Variants in ADGRV1 observed in about 807,000 individuals in gnomAD.
ADGRV1 encodes the protein G-protein coupled receptor 98.
In ADGRV1, 359 loss-of-function variants were observed where a neutral mutation model predicts 596.2. That is an observed-to-expected ratio of 0.60 (90% confidence interval 0.55 to 0.66). ADGRV1 has a LOEUF of 0.66. Among genes scored for constraint, ADGRV1 ranks in the 30% least tolerant of loss-of-function variants. The pLI is 0.00. For synonymous variants in ADGRV1, 2,681 were observed against 2,679.2 expected (o/e 1.00, Z -0.02); for missense variants, 7,274 against 7,575.6 (o/e 0.96, Z 1.48).
intron 1 of ADGRV1, among the ~76,000 whole-genome samples, chr5:90,613,387 G>A (rs1178217280): frequency 3.9e-5 from 6 of 152,040 alleles, no homozygotes; most frequent in African/African-American, 1.4e-4. Context: ...CCTGGCTTTG[G>A]TTTAGCTCAG....
rs937538338 is a variant in ADGRV1, at chr5:90,647,490, T to C, written c.3023-8T>C. On this transcript the variant is annotated splice_region_variant and splice_polypyrimidine_tract_variant and intron_variant, in intron 16 of 89. Coordinates refer to ENST00000405460, the MANE Select transcript of ADGRV1 (RefSeq NM_032119.4). ...AGCTCATGTGTTCTTTCTTTGTGGA[T>C]ATTTCAGAACCTCGTGTAGTGAGGG... 2 of 1,596,518 alleles carry C rather than the reference T, an allele frequency of 1.3e-6. No individual in the cohort carries two copies. Among genetic ancestry groups the C allele is most frequent in the South Asian group, 1.1e-5 (1 of 88,446 alleles).
intron 81 of ADGRV1, among the ~76,000 whole-genome samples, chr5:90,855,010 A>T (rs767922125): frequency 7.9e-5 from 12 of 152,154 alleles, no homozygotes; most frequent in African/African-American, 1.4e-4. Context: ...TTCAATATAT[A>T]ATTAATAATG....
chr5:91,032,633 T>C (rs1306040191), intron 85 of ADGRV1, among the ~76,000 whole-genome samples: 1 of 152,040 alleles, frequency 6.6e-6, no homozygotes, highest in Non-Finnish European at 1.5e-5. Flanking sequence ...TATTCTTTCT[T>C]TGCCTTACTA....
At chr5:91,131,205 A>G (rs1253417987) in intron 87 of ADGRV1, among the ~76,000 whole-genome samples, 48 of 152,256 alleles carry the variant, frequency 3.2e-4, no homozygotes, top group Admixed American at 3.1e-3. Context: ...ACTGCTTTCC[A>G]CAGGGACTGA....
intron 72 of ADGRV1, 104 bp from the exon 73 acceptor site, chr5:90,807,498 A>T (rs1179829156): frequency 1.7e-6 from 2 of 1,146,788 alleles, no homozygotes; most frequent in African/African-American, 3.1e-5. Flanking sequence ...GTGAACTATA[A>T]TTGAATTTTG....
rs188920181 is a variant in ADGRV1, at chr5:90,916,701, C to T, written c.17857-48714C>T. Among the ~76,000 whole-genome samples, 1,229 of 133,616 alleles carry T rather than the reference C, an allele frequency of 9.2e-3. 18 individuals carry two copies. The highest frequency in any genetic ancestry group is 0.033 in the African/African-American group (1,176 of 35,986). The allele number at this position is 133,616 out of a possible 152,430, so 87.7% of individuals were successfully genotyped here. The stretch of plus-strand genomic sequence containing the variant: ...AGGCTGGAGTGCAGTGGCGGGATCT[C>T]GGCTCACTGCAAGCTCCGCCTCCCG... On this transcript the variant is annotated intron_variant, in intron 83 of 89. Coordinates refer to ENST00000405460, the MANE Select transcript of ADGRV1 (RefSeq NM_032119.4).
intron 58 of ADGRV1, among the ~76,000 whole-genome samples, chr5:90,760,167 T>G (rs1756356252): frequency 6.6e-6 from 1 of 150,536 alleles, no homozygotes; most frequent in Admixed American, 6.6e-5. Context: ...TCCCAGCTGC[T>G]TGAGAGCCTG....
intron 77 of ADGRV1, among the ~76,000 whole-genome samples, chr5:90,832,548 G>A (rs1423287686): frequency 6.6e-6 from 1 of 151,980 alleles, no homozygotes; most frequent in African/African-American, 2.4e-5. Context: ...CCCATTCTGT[G>A]GGCTGTCTCT....
chr5:90,757,231 G>A (rs1755929245), intron 57 of ADGRV1, 70 bp downstream of exon 57: 2 of 1,282,036 alleles, frequency 1.6e-6, no homozygotes, highest in Non-Finnish European at 2.3e-6. Context: ...TCCATCAAAT[G>A]AATGTACATT....
In ADGRV1 at chr5:90,675,357, T is replaced by C; in HGVS notation, c.5225T>C (p.Leu1742Ser). The change falls in exon 24 of 90, where the codon TTG (leucine) becomes TCG (serine). Residue 1742 changes from leucine (L) to serine (S), a missense_variant. This residue lies in a region of ADGRV1 where 3,643 missense variants were observed against 3,809.2 expected (regional missense o/e 0.96). Coordinates refer to ENST00000405460, the MANE Select transcript of ADGRV1 (RefSeq NM_032119.4). ...GAGGAAGATGGAGAAATCAGGTTAT[T>C]GGTCATCCGTGCACAGGGACTTCTG... ...VEEEDGEIRLLVIRAQGLLGR... is the reference protein window; with the variant it reads ...VEEEDGEIRLSVIRAQGLLGR... The C allele has an allele frequency of 1.2e-6, 2 of 1,613,878 alleles. No homozygotes were observed. The highest frequency in any genetic ancestry group is 1.7e-6 in the Non-Finnish European group (2 of 1,179,858).
At chr5:91,063,469 A>T (rs1787625316) in intron 85 of ADGRV1, among the ~76,000 whole-genome samples, 1 of 152,170 alleles carries the variant, frequency 6.6e-6, no homozygotes, top group African/African-American at 2.4e-5. Flanking sequence ...CATTTACAAT[A>T]TATAGTAATT....
rs765110660 is a variant in ADGRV1 at position 90,679,637 on chromosome 5, G to GTTT, written c.5524+11_5524+13dup. 2.4e-5 allele frequency: 38 copies of GTTT among 1,603,006 alleles called. No individual in the cohort carries two copies. The Admixed American group carries it at 4.8e-4, about 20-fold the overall frequency. Reference sequence around the variant, plus strand: ...CAACTATTCACAAACGTGGTAAGCAGTTTTTCCAAGGTCCTTTACTATTAT... The same window carrying GTTT: ...CAACTATTCACAAACGTGGTAAGCAGTTTTTTTTCCAAGGTCCTTTACTATTAT... On this transcript the variant is annotated intron_variant, in intron 26 of 89. Transcript: ENST00000405460.
intron 44 of ADGRV1, among the ~76,000 whole-genome samples, 192 bp downstream of exon 44, chr5:90,720,415 C>T (rs1750762840): frequency 6.6e-6 from 1 of 152,124 alleles, no homozygotes; most frequent in Non-Finnish European, 1.5e-5. Flanking sequence ...CTAAACTCAC[C>T]CTGTTATTAG....
At chr5:90,623,587 G>A (rs4916805) in intron 5 of ADGRV1, among the ~76,000 whole-genome samples, 27,569 of 151,752 alleles carry the variant, frequency 0.18, 2,676 homozygotes, top group East Asian at 0.4. Flanking sequence ...AAGTTTTAAT[G>A]TTTTTTGTAG....
At chr5:91,055,560 C>T (rs897496766) in intron 85 of ADGRV1, among the ~76,000 whole-genome samples, 1 of 152,172 alleles carries the variant, frequency 6.6e-6, no homozygotes, top group African/African-American at 2.4e-5. Context: ...CAGGTAATTT[C>T]TTTCACCCAT....
chr5:91,023,955 T>C (rs1300125272), intron 85 of ADGRV1, among the ~76,000 whole-genome samples: 4 of 152,160 alleles, frequency 2.6e-5, no homozygotes, highest in African/African-American at 9.6e-5. Context: ...AAATAACCAC[T>C]ATGTCTCAAA....
At chr5:90,687,927 A>G (rs1430468059) in intron 29 of ADGRV1, among the ~76,000 whole-genome samples, 3 of 152,220 alleles carry the variant, frequency 2.0e-5, no homozygotes, top group Non-Finnish European at 2.9e-5. Flanking sequence ...AGAACATTCC[A>G]TGCTCATGGG....
intron 50 of ADGRV1, among the ~76,000 whole-genome samples, chr5:90,741,847 C>A (rs1754002316): frequency 6.6e-6 from 1 of 152,106 alleles, no homozygotes; most frequent in Admixed American, 6.5e-5. Context: ...CAAGGGCTTT[C>A]TTATTTTGAA....
rs539486679 is a variant in ADGRV1 at position 90,581,530 on chromosome 5, A to AT, written c.22+22615dup. Among the ~76,000 whole-genome samples, 275 of 152,254 alleles carry AT rather than the reference A, an allele frequency of 1.8e-3. 1 individual carries two copies. Among genetic ancestry groups the AT allele is most frequent in the South Asian group, 1.9e-3 (9 of 4,828 alleles). ...AGTCAAGTCCCTCATCTGCAGGTCA[A>AT]TTGGAGTTTGCTGGAGGTCCACTCC... On this transcript the variant is annotated intron_variant, in intron 1 of 89. Coordinates refer to ENST00000405460, the MANE Select transcript of ADGRV1 (RefSeq NM_032119.4).
Sources: allele counts gnomAD v4.1 joint callset (sites outside exome capture counted in the v4.1 genomes callset), GRCh38; gene constraint gnomAD v4.1.1; regional missense constraint gnomAD v4.1.1; transcripts MANE v1.5; gene names NCBI Gene and HGNC (gene_info 2026-07-23, HGNC 2026-07-21).